TBC1D15: variants seen among roughly 807,000 people sequenced by gnomAD.
TBC1D15 encodes GAP for RAB7.
TBC1D15 carries 39 observed loss-of-function variants against 95.4 expected under a neutral mutation model. The ratio of observed to expected loss-of-function variants is 0.41; its 90% CI spans 0.32 to 0.53. TBC1D15 has a LOEUF of 0.53. Ranked by LOEUF, TBC1D15 falls within the 20% of genes least tolerant of loss-of-function variation. The probability of loss-of-function intolerance (pLI) is 0.29; values close to 1 mark genes in which losing one functional copy is unlikely to be tolerated. For synonymous variants in TBC1D15, 258 were observed against 261.3 expected, an observed-to-expected ratio of 0.99 and a Z score of 0.12; for missense variants, 733 against 794.3, an observed-to-expected ratio of 0.92 and a Z score of 0.93.
At chr12:71,899,502 T>C (rs570641839) in intron 10 of TBC1D15, among the ~76,000 whole-genome samples, 247 of 152,182 alleles carry the variant, frequency 1.6e-3, no homozygotes, top group Non-Finnish European at 2.9e-3. Flanking sequence ...TCTATAATGC[T>C]TTTTCCCAAA....
At chr12:71,893,493 C>CAATAAT (rs1027446857) in intron 6 of TBC1D15, among the ~76,000 whole-genome samples, 169 bp downstream of exon 6, 1 of 151,534 alleles carries the variant, frequency 6.6e-6, no homozygotes, top group Non-Finnish European at 1.5e-5. Flanking sequence ...TTTACAGAAA[C>CAATAAT]AATAATAAGT....
chr12:71,884,107 C>T (rs1245288079), intron 4 of TBC1D15, among the ~76,000 whole-genome samples: 1 of 152,122 alleles, frequency 6.6e-6, no homozygotes, highest in African/African-American at 2.4e-5. Flanking sequence ...TTTATCTTTT[C>T]ATCAATTCCT....
intron 11 of TBC1D15, among the ~76,000 whole-genome samples, chr12:71,911,956 T>C (rs1902483433): frequency 6.6e-6 from 1 of 152,156 alleles, no homozygotes; most frequent in Non-Finnish European, 1.5e-5. Flanking sequence ...TATAACTTAA[T>C]AATAAAGCAC....
At chr12:71,877,501 TTCCTTCCTTCCTTCCTTCCTTC>T (rs1565993642) in intron 3 of TBC1D15, among the ~76,000 whole-genome samples, 2,171 of 63,480 alleles carry the variant, frequency 0.034, 95 homozygotes, top group African/African-American at 0.1. Flanking sequence ...CTGTTTTTCC[TTCCTTCCTTCCTTCCTTCCTTC>T]CTTCCTTCCT....
At position 71,872,168 on chromosome 12, in the gene TBC1D15, G is replaced by A; in HGVS notation, c.129G>A (p.Lys43=). The change falls in exon 2 of 17, where the codon AAG becomes AAA. Residue 43 remains lysine, a splice_region_variant and synonymous_variant. Coordinates refer to ENST00000485960, the MANE Select transcript of TBC1D15 (RefSeq NM_001146213.3). ...LISGILRVLE[K]DAEVIVDWRP... is the part of the protein sequence containing the mutation. ...CAGGAATATTACGTGTTTTAGAAAA[G>A]GTAAGTTTCTAGTAAATGATTTTAT... 1 of 1,528,718 alleles carries A rather than the reference G, an allele frequency of 6.5e-7. No homozygotes were observed. The highest frequency in any genetic ancestry group is 8.8e-7 in the Non-Finnish European group (1 of 1,134,862). 94.7% of individuals were successfully genotyped at this position (1,528,718 alleles called of 1,614,324 possible). A position where few individuals can be genotyped will look rare whatever the true frequency, so the allele number is the denominator to read the frequency against.
At chr12:71,860,991 G>T (rs1475011884) in intron 1 of TBC1D15, among the ~76,000 whole-genome samples, 1 of 152,058 alleles carries the variant, frequency 6.6e-6, no homozygotes, top group African/African-American at 2.4e-5. Flanking sequence ...TCATTCTAAT[G>T]ATGTGATATA....
At chr12:71,905,379 A>T (rs948187263) in intron 10 of TBC1D15, among the ~76,000 whole-genome samples, 2 of 152,068 alleles carry the variant, frequency 1.3e-5, no homozygotes, top group Non-Finnish European at 1.5e-5. Context: ...AGGCTGGAGT[A>T]CAGTGGTGCC....
chr12:71,885,121 C>A, intron 5 of TBC1D15, 100 bp downstream of exon 5: 1 of 1,075,470 alleles, frequency 9.3e-7, no homozygotes, highest in Non-Finnish European at 1.4e-6. Flanking sequence ...GACCTATTTG[C>A]ATATGAGGAC....
chr12:71,851,453 C>T (rs892111987), intron 1 of TBC1D15, among the ~76,000 whole-genome samples: 30 of 152,176 alleles, frequency 2.0e-4, no homozygotes, highest in Non-Finnish European at 3.4e-4. Flanking sequence ...TCATACTTTC[C>T]CAGTAGTCCC....
chr12:71,920,611 C>A, intron 14 of TBC1D15, 120 bp from the exon 15 acceptor site: 1 of 770,214 alleles, frequency 1.3e-6, no homozygotes, highest in Non-Finnish European at 2.2e-6. Flanking sequence ...AAACCTTGGG[C>A]TACCCTAAAC....
chr12:71,850,647 G>A (rs534211428), intron 1 of TBC1D15, among the ~76,000 whole-genome samples: 2 of 152,248 alleles, frequency 1.3e-5, no homozygotes, highest in South Asian at 4.1e-4. Context: ...CTGCCCTCAA[G>A]GCGATCCTCC....
At position 71,880,599 on chromosome 12, in the gene TBC1D15, C is replaced by A; in HGVS notation, c.335C>A (p.Thr112Asn). 1.2e-6 allele frequency: 2 copies of A among 1,604,442 alleles called. No individual in the cohort carries two copies. Among genetic ancestry groups the A allele is most frequent in the South Asian group, 2.2e-5 (2 of 89,568 alleles). Reference protein sequence around the residue: ...NTVSFKRKPHTNGDAPSHRNG... With the variant: ...NTVSFKRKPHNNGDAPSHRNG... ...GTTTCATTTAAAAGGAAACCACATA[C>A]CAATGGAGGTATGAATTAAATCTTT... Residue 112 changes from threonine to asparagine, a missense_variant, in exon 4 of 17, where the codon ACC (threonine) becomes AAC (asparagine). Thr to Asn is a moderately conservative substitution (Grantham distance 65). Coordinates refer to ENST00000485960, the MANE Select transcript of TBC1D15 (RefSeq NM_001146213.3).
At chr12:71,892,338 A>ATTATT (rs1897329353) in intron 5 of TBC1D15, among the ~76,000 whole-genome samples, 1 of 152,060 alleles carries the variant, frequency 6.6e-6, no homozygotes, top group Non-Finnish European at 1.5e-5. Flanking sequence ...TTGAGAAGGG[A>ATTATT]TAACTGTTAT....
chr12:71,905,946 C>T (rs998029275), intron 10 of TBC1D15, among the ~76,000 whole-genome samples: 1 of 152,046 alleles, frequency 6.6e-6, no homozygotes, highest in Non-Finnish European at 1.5e-5. Flanking sequence ...GATCTTGGCT[C>T]ACTGCAACCT....
At position 71,877,160 on chromosome 12, in the gene TBC1D15, G is replaced by A. The variant is rs1054999200; in HGVS notation, c.205-3309G>A. Among the ~76,000 whole-genome samples, 3 of 149,252 alleles carry A rather than the reference G, an allele frequency of 2.0e-5. No homozygotes were observed. In the East Asian group the frequency reaches 5.9e-4, roughly 29 times the overall value. Reference sequence around the variant, plus strand: ...TTCTACTTTCCTTTATTGATGTTAAGTCTAATGCATTCTAATTCCTGATCC... The same window carrying A: ...TTCTACTTTCCTTTATTGATGTTAAATCTAATGCATTCTAATTCCTGATCC... On this transcript the variant is annotated intron_variant, in intron 3 of 16. Coordinates refer to ENST00000485960, the MANE Select transcript of TBC1D15 (RefSeq NM_001146213.3).
In TBC1D15 at chr12:71,860,104, A is replaced by G. The variant is rs561820488; in HGVS notation, c.31-11966A>G. Among the ~76,000 whole-genome samples the G allele has an allele frequency of 1.7e-4, 26 of 152,114 alleles. No individual in the cohort carries two copies. The South Asian group carries it at 4.4e-3, about 25-fold the overall frequency. ...TATTTCTGGGTTCCTTATTCTCTTT[A>G]ATTGGTCTGTGTATGTTTTTATGTC... On this transcript the variant is annotated intron_variant, in intron 1 of 16. Transcript: ENST00000485960.
At position 71,866,530 on chromosome 12, in the gene TBC1D15, T is replaced by C. The variant is rs149700622; in HGVS notation, c.31-5540T>C. 4.3e-3 allele frequency among the ~76,000 whole-genome samples: 648 copies of C among 152,332 alleles called. 5 individuals carry two copies. Among genetic ancestry groups the C allele is most frequent in the African/African-American group, 0.014 (598 of 41,564 alleles). The stretch of plus-strand genomic sequence containing the variant: ...GAGTGATGGGATCCCAATATTTCCT[T>C]GTTTCTCTATGTGGCCATCCTGAGT... On this transcript the variant is annotated intron_variant, in intron 1 of 16. Coordinates refer to ENST00000485960, the MANE Select transcript of TBC1D15 (RefSeq NM_001146213.3).
At chr12:71,876,685 C>G (rs983568541) in intron 3 of TBC1D15, among the ~76,000 whole-genome samples, 2 of 150,694 alleles carry the variant, frequency 1.3e-5, no homozygotes, top group Non-Finnish European at 3.0e-5. Context: ...AAAAACATTT[C>G]TTTTTTTTGT....
chr12:71,859,039 A>G (rs1889790636), intron 1 of TBC1D15, among the ~76,000 whole-genome samples: 1 of 150,884 alleles, frequency 6.6e-6, no homozygotes, highest in African/African-American at 2.4e-5. Context: ...CTGGGATGAG[A>G]TGGTATCTCA....
Sources: gnomAD v4.1 joint callset for allele counts (sites outside exome capture counted in the v4.1 genomes callset) on GRCh38, gnomAD v4.1.1 for gene constraint, MANE v1.5 for transcripts, NCBI Gene and HGNC (gene_info 2026-07-23, HGNC 2026-07-21) for gene names.